Variants in AKAP13 observed in about 807,000 individuals in gnomAD.
AKAP13 encodes A-kinase anchoring protein 13, also known as A-kinase anchor protein 13.
In AKAP13, 80 loss-of-function variants were observed where a neutral mutation model predicts 264.5. The observed-to-expected ratio is 0.30, with a 90% CI of 0.25 to 0.36. The LOEUF (loss-of-function observed/expected upper bound fraction) is 0.36. Among genes scored for constraint, AKAP13 ranks in the 10% least tolerant of loss-of-function variants. AKAP13 has a pLI of 1.00. For missense variants in AKAP13, 3,712 were observed against 3,435.2 expected, an observed-to-expected ratio of 1.08 and a Z score of -2.01; for synonymous variants, 1,380 against 1,250.2, an observed-to-expected ratio of 1.10 and a Z score of -2.19.
At chr15:85,471,089 A>G (rs902412904) in intron 1 of AKAP13, among the ~76,000 whole-genome samples, 1 of 152,182 alleles carries the variant, frequency 6.6e-6, no homozygotes, top group South Asian at 2.1e-4. Flanking sequence ...GAGATTTTCT[A>G]CCAGGCTCAG....
chr15:85,630,272 C>CACACAAATAT (rs1281166939), intron 8 of AKAP13, among the ~76,000 whole-genome samples: 1 of 146,104 alleles, frequency 6.8e-6, no homozygotes, highest in South Asian at 2.1e-4. Context: ...CACACAAACA[C>CACACAAATAT]AATGAACTAA....
intron 8 of AKAP13, among the ~76,000 whole-genome samples, chr15:85,612,958 T>C (rs1346954790): frequency 1.3e-5 from 2 of 152,200 alleles, no homozygotes; most frequent in Non-Finnish European, 2.9e-5. Context: ...CTTCATGAAA[T>C]TGGTAAGATT....
chr15:85,556,620 G>A (rs2078158803), intron 5 of AKAP13, among the ~76,000 whole-genome samples: 1 of 152,150 alleles, frequency 6.6e-6, no homozygotes, highest in African/African-American at 2.4e-5. Context: ...TGAACCTGGT[G>A]CAACTCTTGA....
intron 4 of AKAP13, among the ~76,000 whole-genome samples, chr15:85,542,078 A>C (rs1223677159): frequency 6.6e-6 from 1 of 152,226 alleles, no homozygotes; most frequent in East Asian, 1.9e-4. Context: ...TTAGTGCCTC[A>C]TTAGCTCTTT....
chr15:85,507,663 TG>T (rs1344113383), intron 2 of AKAP13, among the ~76,000 whole-genome samples: 2 of 152,242 alleles, frequency 1.3e-5, no homozygotes, highest in East Asian at 3.9e-4. Flanking sequence ...TCAACCAATT[TG>T]GATGTCACCA....
chr15:85,483,650 A>AAAAAAAAAC (rs1567080850), intron 1 of AKAP13, among the ~76,000 whole-genome samples: 2 of 150,132 alleles, frequency 1.3e-5, no homozygotes, highest in Non-Finnish European at 3.0e-5. Context: ...AAAAAAAAAA[A>AAAAAAAAAC]ACACCAAAAA....
intron 8 of AKAP13, among the ~76,000 whole-genome samples, chr15:85,626,391 T>G (rs543628063): frequency 1.8e-4 from 28 of 152,354 alleles, no homozygotes; most frequent in African/African-American, 6.3e-4. Context: ...CTTTACCTGT[T>G]AAAACACTAA....
At chr15:85,635,930 A>G (rs2082052268) in intron 8 of AKAP13, among the ~76,000 whole-genome samples, 1 of 152,120 alleles carries the variant, frequency 6.6e-6, no homozygotes, top group Non-Finnish European at 1.5e-5. Context: ...ATTGATCTAT[A>G]TGTCTGCTGT....
chr15:85,464,887 T>G (rs1018856193), intron 1 of AKAP13, among the ~76,000 whole-genome samples: 3 of 152,246 alleles, frequency 2.0e-5, no homozygotes, highest in Non-Finnish European at 4.4e-5. Context: ...GACTAAACTG[T>G]AGTTTTCTCC....
At chr15:85,513,576 C>T (rs36098649) in intron 2 of AKAP13, among the ~76,000 whole-genome samples, 36,348 of 152,054 alleles carry the variant, frequency 0.24, 5,756 homozygotes, top group Middle Eastern at 0.41. Context: ...ACCTGTAGGC[C>T]GACAATTTTT....
At chr15:85,574,512 C>T (rs1296379350) in intron 5 of AKAP13, among the ~76,000 whole-genome samples, 1 of 152,252 alleles carries the variant, frequency 6.6e-6, no homozygotes, top group South Asian at 2.1e-4. Context: ...TTAAATTTTA[C>T]GAATTTTAAC....
intron 2 of AKAP13, among the ~76,000 whole-genome samples, chr15:85,513,182 C>T (rs180815488): frequency 6.6e-6 from 1 of 152,136 alleles, no homozygotes; most frequent in East Asian, 1.9e-4. Flanking sequence ...TTCCTAGGTC[C>T]TCGGGTAAAA....
intron 8 of AKAP13, chr15:85,635,008 C>G (rs2082013652): frequency 2.5e-6 from 1 of 397,698 alleles, no homozygotes; most frequent in African/African-American, 2.1e-5. Context: ...GTTTGGAGCT[C>G]TCATGAATTA....
At chr15:85,743,925 T>C in intron 36 of AKAP13, 100 bp downstream of exon 36, 1 of 1,365,584 alleles carries the variant, frequency 7.3e-7, no homozygotes, top group African/African-American at 1.5e-5. Flanking sequence ...AAGGGGACAG[T>C]TCAGATGCTC....
chr15:85,634,113 G>C (rs1431904017), intron 8 of AKAP13, among the ~76,000 whole-genome samples: 1 of 152,170 alleles, frequency 6.6e-6, no homozygotes, highest in Non-Finnish European at 1.5e-5. Flanking sequence ...TTTGCTCTCT[G>C]TAATAGTAAA....
At position 85,743,558 on chromosome 15, in the gene AKAP13, T is replaced by C; in HGVS notation, c.8125T>C (p.Ser2709Pro). 2 of 1,614,164 alleles carry C rather than the reference T, an allele frequency of 1.2e-6. No homozygotes were observed. Among genetic ancestry groups the C allele is most frequent in the Non-Finnish European group, 1.7e-6 (2 of 1,180,026 alleles). ...CTTCCCCAGTCCTGAGGAGCCCCCC[T>C]CGCCATCTGCACCTTCCATAGCCAA... Reference protein sequence around the residue: ...SFFPSPEEPPSPSAPSIAKSG... With the variant: ...SFFPSPEEPPPPSAPSIAKSG... The change falls in exon 36 of 37, where the codon TCG (serine) becomes CCG (proline). Residue 2709 changes from serine (S) to proline (P), a missense_variant. This residue lies in a region of AKAP13 where 611 missense variants were observed against 539.3 expected (regional missense o/e 1.13). Coordinates refer to ENST00000394518, the MANE Select transcript of AKAP13 (RefSeq NM_007200.5).
chr15:85,632,317 A>C (rs1399472063), intron 8 of AKAP13, among the ~76,000 whole-genome samples: 1 of 152,232 alleles, frequency 6.6e-6, no homozygotes, highest in African/African-American at 2.4e-5. Flanking sequence ...CAGCTGAGAA[A>C]TCTAAACCTG....
At chr15:85,553,721 A>G (rs1430706446) in intron 5 of AKAP13, among the ~76,000 whole-genome samples, 4 of 152,356 alleles carry the variant, frequency 2.6e-5, no homozygotes, top group Middle Eastern at 6.8e-3. Flanking sequence ...GTACTGGTCC[A>G]TGGACTGTTA....
intron 1 of AKAP13, among the ~76,000 whole-genome samples, chr15:85,457,554 T>C (rs970475267): frequency 1.8e-4 from 28 of 152,198 alleles, no homozygotes; most frequent in African/African-American, 6.8e-4. Flanking sequence ...GGCGACTAGT[T>C]GTAGCCCTGA....
Sources: allele counts gnomAD v4.1 joint callset (sites outside exome capture counted in the v4.1 genomes callset), GRCh38; gene constraint gnomAD v4.1.1; regional missense constraint gnomAD v4.1.1; transcripts MANE v1.5; gene names NCBI Gene and HGNC (gene_info 2026-07-23, HGNC 2026-07-21).